Variants in RALGPS2 observed in about 807,000 individuals in gnomAD.
The protein encoded by RALGPS2 is ras-specific guanine nucleotide-releasing factor RalGPS2.
In RALGPS2, 43 loss-of-function variants were observed where a neutral mutation model predicts 86.8. The observed-to-expected ratio is 0.50, with a 90% CI of 0.39 to 0.64. The LOEUF (loss-of-function observed/expected upper bound fraction) is 0.64. Ranked by LOEUF, RALGPS2 falls within the 30% of genes least tolerant of loss-of-function variation. The pLI, the probability that RALGPS2 is intolerant of heterozygous loss-of-function variation, is 0.00. For missense variants in RALGPS2, 536 were observed against 694.6 expected (o/e 0.77, Z 2.57); for synonymous variants, 243 against 231.3 (o/e 1.05, Z -0.46).
At chr1:178,888,105 G>T (rs1443725572) in intron 13 of RALGPS2, among the ~76,000 whole-genome samples, 2 of 152,216 alleles carry the variant, frequency 1.3e-5, no homozygotes, top group East Asian at 3.9e-4. Context: ...TAGTGTCTCA[G>T]TGTGGAGACT....
At chr1:178,898,926 T>A (rs1012884443) in intron 17 of RALGPS2, among the ~76,000 whole-genome samples, 3 of 151,972 alleles carry the variant, frequency 2.0e-5, no homozygotes, top group African/African-American at 4.8e-5. Flanking sequence ...GAGTTAGTAC[T>A]GCTGTTCTCA....
chr1:178,782,232 A>G (rs1205147353), intron 2 of RALGPS2, among the ~76,000 whole-genome samples: 1 of 152,122 alleles, frequency 6.6e-6, no homozygotes, highest in African/African-American at 2.4e-5. Context: ...CTTGAAAGTT[A>G]AAAACTCCTT....
At chr1:178,821,583 C>G (rs750754468) in intron 6 of RALGPS2, 29 bp from the exon 7 acceptor site, 208 of 1,554,020 alleles carry the variant, frequency 1.3e-4, no homozygotes, top group Non-Finnish European at 1.6e-4. Flanking sequence ...TTTTTCATCC[C>G]TCTCCCCCAT....
intron 8 of RALGPS2, among the ~76,000 whole-genome samples, chr1:178,859,856 A>G (rs889579792): frequency 1.9e-4 from 20 of 102,836 alleles, no homozygotes; most frequent in African/African-American, 7.7e-4. Flanking sequence ...AGCTGGGACT[A>G]CAGGCGCCCG....
intron 8 of RALGPS2, among the ~76,000 whole-genome samples, chr1:178,872,292 G>A (rs1270936846): frequency 6.6e-6 from 1 of 152,108 alleles, no homozygotes; most frequent in East Asian, 1.9e-4. Flanking sequence ...GAATTCCTAT[G>A]CCATATATAG....
intron 8 of RALGPS2, among the ~76,000 whole-genome samples, chr1:178,870,203 C>T (rs1658663014): frequency 6.6e-6 from 1 of 152,070 alleles, no homozygotes; most frequent in Admixed American, 6.6e-5. Context: ...AGAATTTCTG[C>T]TTAATATTTG....
intron 1 of RALGPS2, among the ~76,000 whole-genome samples, chr1:178,750,574 G>A (rs1558101863): frequency 6.6e-6 from 1 of 152,170 alleles, no homozygotes; most frequent in Admixed American, 6.5e-5. Flanking sequence ...GTAGAATAAG[G>A]CAACCTTAGC....
rs1188006943 is a variant in RALGPS2, at chr1:178,902,216, A to G, written c.1630+5A>G. 6.9e-6 allele frequency: 11 copies of G among 1,601,348 alleles called. No individual in the cohort carries two copies. Among genetic ancestry groups the G allele is most frequent in the African/African-American group, 1.3e-5 (1 of 74,702 alleles). On this transcript the variant is annotated splice_donor_5th_base_variant and intron_variant, in intron 18 of 19. Transcript: ENST00000367635. The stretch of plus-strand genomic sequence containing the variant: ...TGCTGACTGACTCTGAGAAAGGTGA[A>G]TTGTTAGAATAACTGGGGCTTACGA...
intron 6 of RALGPS2, among the ~76,000 whole-genome samples, chr1:178,820,377 A>T (rs189929635): frequency 6.6e-6 from 1 of 152,330 alleles, no homozygotes; most frequent in Admixed American, 6.5e-5. Flanking sequence ...GAGGCTTCAC[A>T]TGTAAAAATG....
At chr1:178,863,026 A>G (rs1658141876) in intron 8 of RALGPS2, among the ~76,000 whole-genome samples, 1 of 152,194 alleles carries the variant, frequency 6.6e-6, no homozygotes, top group South Asian at 2.1e-4. Context: ...TTATGCAGTA[A>G]ATACTGTTAT....
chr1:178,866,316 A>G (rs1658405764), intron 8 of RALGPS2, among the ~76,000 whole-genome samples: 1 of 152,182 alleles, frequency 6.6e-6, no homozygotes, highest in Admixed American at 6.6e-5. Flanking sequence ...GATCCTCTGT[A>G]ATAAATTATG....
chr1:178,873,158 T>G (rs1361959093), intron 8 of RALGPS2, among the ~76,000 whole-genome samples: 2 of 152,094 alleles, frequency 1.3e-5, no homozygotes, highest in Non-Finnish European at 2.9e-5. Context: ...TTTTAAGACT[T>G]AGAATGAGAA....
At chr1:178,914,990 A>G (rs992977899) in intron 19 of RALGPS2, among the ~76,000 whole-genome samples, 1 of 152,090 alleles carries the variant, frequency 6.6e-6, no homozygotes, top group African/African-American at 2.4e-5. Flanking sequence ...TCTAGACAAT[A>G]TATACATATA....
intron 18 of RALGPS2, 62 bp from the exon 19 acceptor site, chr1:178,906,714 C>A: frequency 7.5e-7 from 1 of 1,338,580 alleles, no homozygotes; most frequent in Non-Finnish European, 1.0e-6. Context: ...TATTATCTGG[C>A]AGAATTATTA....
Position 178,826,727 on chromosome 1 carries a change from T to A in RALGPS2, c.480+5023T>A, listed in dbSNP as rs182857738. 2.6e-4 allele frequency among the ~76,000 whole-genome samples: 39 copies of A among 152,334 alleles called. 1 individual carries two copies. In the East Asian group the frequency reaches 6.5e-3, roughly 26 times the overall value. Reference sequence around the variant, plus strand: ...TTTTAAAAAATAGGTTTACTTAAAGTGGTTGAATATATGAGCAATACAAAA... The same window carrying A: ...TTTTAAAAAATAGGTTTACTTAAAGAGGTTGAATATATGAGCAATACAAAA... On this transcript the variant is annotated intron_variant, in intron 7 of 19. Coordinates refer to ENST00000367635, the MANE Select transcript of RALGPS2 (RefSeq NM_152663.5).
chr1:178,821,632 C>T lies in RALGPS2; in HGVS notation c.408C>T (p.Asn136=), dbSNP rs1229093481. The stretch of plus-strand genomic sequence containing the variant: ...TTCAGAAACTGTATGAGCTGAATAA[C>T]CTTCATGCACTTATGGCAGTGGTTT... ...KTAKKLYELN[N]LHALMAVVSG... is the part of the protein sequence containing the mutation. Residue 136 remains asparagine, a synonymous_variant, in exon 7 of 20, where the codon AAC becomes AAT. Transcript: ENST00000367635. 1 of 1,613,078 alleles carries T rather than the reference C, an allele frequency of 6.2e-7. No individual in the cohort carries two copies. Among genetic ancestry groups the T allele is most frequent in the Non-Finnish European group, 8.5e-7 (1 of 1,179,586 alleles).
intron 16 of RALGPS2, among the ~76,000 whole-genome samples, chr1:178,896,901 G>A (rs1412436107): frequency 6.6e-6 from 1 of 150,556 alleles, no homozygotes; most frequent in Admixed American, 6.6e-5. Flanking sequence ...TTGCTATTGT[G>A]AATAATGCCG....
chr1:178,741,611 TAAGTTA>T (rs1651028650), intron 1 of RALGPS2, among the ~76,000 whole-genome samples: 1 of 152,206 alleles, frequency 6.6e-6, no homozygotes, highest in African/African-American at 2.4e-5. Context: ...AAGACCATGG[TAAGTTA>T]AAGTTAAATA....
intron 1 of RALGPS2, among the ~76,000 whole-genome samples, chr1:178,758,682 A>T (rs1652073821): frequency 6.6e-6 from 1 of 152,142 alleles, no homozygotes. Context: ...GGCTTATTTC[A>T]CTTAACATGA....
Sources: gnomAD v4.1 joint callset for allele counts (sites outside exome capture counted in the v4.1 genomes callset) on GRCh38, gnomAD v4.1.1 for gene constraint, MANE v1.5 for transcripts, NCBI Gene and HGNC (gene_info 2026-07-23, HGNC 2026-07-21) for gene names.